The following CYSLTR1 variants were observed in gnomAD, a reference collection of about 807,000 sequenced individuals.
The protein encoded by CYSLTR1 is cysteinyl leukotriene receptor 1.
Under a neutral mutation model 2.1 loss-of-function variants are expected in CYSLTR1, and 1 was observed. The ratio of observed to expected loss-of-function variants is 0.48; its 90% CI spans 0.17 to 2.28. The LOEUF (loss-of-function observed/expected upper bound fraction) is 2.28. CYSLTR1 is among the 30% of genes most tolerant of loss of function. The pLI is 0.26. For missense variants in CYSLTR1, 299 were observed against 250.1 expected (o/e 1.20, Z -1.32); for synonymous variants, 110 against 89.6 (o/e 1.23, Z -1.28).
At chrX:78,307,009 C>T (rs1301391619) in intron 1 of CYSLTR1, among the ~76,000 whole-genome samples, 3 of 111,708 alleles carry the variant, frequency 2.7e-5, no homozygotes, top group Non-Finnish European at 5.6e-5. Flanking sequence ...AAACTTTTAA[C>T]GTGACTTTTC....
chrX:78,275,891 A>G (rs1169168264), intron 2 of CYSLTR1, among the ~76,000 whole-genome samples: 1 of 111,666 alleles, frequency 9.0e-6, no homozygotes, highest in Non-Finnish European at 1.9e-5. Context: ...GGTTGACTCT[A>G]CCTATAACTG....
chrX:78,272,677 C>A lies in CYSLTR1; in HGVS notation c.*56G>T, dbSNP rs1921320650. ...TTTATTTTTTTTGTAAATGATTTGA[C>A]AAAATACTTATTTGGGAAACTATTT... On this transcript the variant is annotated 3_prime_UTR_variant, in exon 3 of 3. Coordinates refer to ENST00000373304, the MANE Select transcript of CYSLTR1 (RefSeq NM_006639.4). The A allele has an allele frequency of 2.9e-6, 3 of 1,036,521 alleles. No individual in the cohort carries two copies. The highest frequency in any genetic ancestry group is 3.8e-5 in the African/African-American group (2 of 52,848). 85.4% of individuals were successfully genotyped at this position (1,036,521 alleles called of 1,213,427 possible).
chrX:78,291,346 G>A (rs1259901396), intron 1 of CYSLTR1, among the ~76,000 whole-genome samples: 1 of 111,666 alleles, frequency 9.0e-6, no homozygotes, highest in Admixed American at 9.5e-5. Context: ...ATGTGCTGCT[G>A]GATTTAGTTT....
intron 1 of CYSLTR1, among the ~76,000 whole-genome samples, chrX:78,300,394 T>TGCAA (rs1922767061): frequency 1.8e-5 from 2 of 112,799 alleles, no homozygotes; most frequent in Non-Finnish European, 3.7e-5. Flanking sequence ...ATTAGGTATT[T>TGCAA]ATTTCAGCAT....
intron 1 of CYSLTR1, among the ~76,000 whole-genome samples, chrX:78,290,109 G>T (rs1399860523): frequency 8.9e-6 from 1 of 112,027 alleles, no homozygotes; most frequent in Non-Finnish European, 1.9e-5. Flanking sequence ...TTACATTTAA[G>T]TCTTTAATCC....
intron 1 of CYSLTR1, among the ~76,000 whole-genome samples, chrX:78,322,033 G>A (rs925809729): frequency 3.6e-5 from 4 of 111,415 alleles, no homozygotes; most frequent in African/African-American, 9.8e-5. Context: ...GAAGTGGGGA[G>A]GCTGGGACTC....
intron 2 of CYSLTR1, among the ~76,000 whole-genome samples, chrX:78,276,547 C>T (rs981476950): frequency 1.4e-4 from 15 of 110,360 alleles, no homozygotes; most frequent in East Asian, 2.8e-4. Flanking sequence ...GGTTTACTAC[C>T]GCTCACAATT....
chrX:78,273,686 AG>A lies in CYSLTR1; in HGVS notation c.60del (p.Phe21SerfsTer12). 1 of 1,210,204 alleles carries A rather than the reference AG, an allele frequency of 8.3e-7. No individual in the cohort carries two copies. The highest frequency in any genetic ancestry group is 1.1e-6 in the Non-Finnish European group (1 of 894,312). ...SSATCHDTIDDFRNQVYSTLY... is the reference protein window; with the variant it reads ...SSATCHDTIDXFRNQVYSTLY... ...AAGGTGGAATACACTTGATTGCGGA[AG>A]TCATCAATAGTGTCATGGCATGTGG... On this transcript the variant is annotated frameshift_variant, in exon 3 of 3. Coordinates refer to ENST00000373304, the MANE Select transcript of CYSLTR1 (RefSeq NM_006639.4). LOFTEE classifies it low-confidence loss of function (END_TRUNC).
At chrX:78,279,816 G>A (rs1921755822) in intron 2 of CYSLTR1, among the ~76,000 whole-genome samples, 1 of 111,778 alleles carries the variant, frequency 8.9e-6, no homozygotes, top group Admixed American at 9.5e-5. Context: ...GCAGTTGGAG[G>A]CCATTATCCT....
chrX:78,306,973 A>C (rs888634263), intron 1 of CYSLTR1, among the ~76,000 whole-genome samples: 20 of 112,115 alleles, frequency 1.8e-4, no homozygotes, highest in African/African-American at 6.2e-4. Flanking sequence ...TGAAGTAATA[A>C]ATTTTTAACT....
At chrX:78,326,610 G>C (rs1032998723) in intron 1 of CYSLTR1, among the ~76,000 whole-genome samples, 5 of 112,016 alleles carry the variant, frequency 4.5e-5, no homozygotes, top group African/African-American at 1.6e-4. Context: ...TGAATCTTTG[G>C]CTCTGTGTAA....
chrX:78,279,563 A>G (rs376260040), intron 2 of CYSLTR1, among the ~76,000 whole-genome samples: 3 of 112,505 alleles, frequency 2.7e-5, no homozygotes, highest in East Asian at 5.5e-4. Flanking sequence ...ATAAAACAGA[A>G]CTACCATTTT....
chrX:78,314,373 G>T (rs184465976), intron 1 of CYSLTR1, among the ~76,000 whole-genome samples: 1 of 111,688 alleles, frequency 9.0e-6, no homozygotes, highest in African/African-American at 3.2e-5. Context: ...CAAGAAGGCA[G>T]AATGGAAGGC....
chrX:78,325,608 C>T lies in CYSLTR1; in HGVS notation c.-115+1697G>A, dbSNP rs1434544066. Among the ~76,000 whole-genome samples, 4 of 111,703 alleles carry T rather than the reference C, an allele frequency of 3.6e-5. No individual in the cohort carries two copies. In the Admixed American group the frequency reaches 3.8e-4, roughly 11 times the overall value. On this transcript the variant is annotated intron_variant, in intron 1 of 2. Coordinates refer to ENST00000373304, the MANE Select transcript of CYSLTR1 (RefSeq NM_006639.4). ...GAACTCCCAGTTATCCCAGTTACCC[C>T]GTTTCTCTCCCATTGAAATCCATGC...
In CYSLTR1 at chrX:78,273,280, G is replaced by C; in HGVS notation, c.467C>G (p.Ser156Cys). The C allele has an allele frequency of 8.3e-7, 1 of 1,209,511 alleles. No individual in the cohort carries two copies. Among genetic ancestry groups the C allele is most frequent in the Non-Finnish European group, 1.1e-6 (1 of 894,240 alleles). The change falls in exon 3 of 3, where the codon TCT (serine) becomes TGT (cysteine). Residue 156 changes from serine (S) to cysteine (C), a missense_variant. Coordinates refer to ENST00000373304, the MANE Select transcript of CYSLTR1 (RefSeq NM_006639.4). ...GIWIFVILTS[S>C]PFLMAKPQKD... The stretch of plus-strand genomic sequence containing the variant: ...TTGTGGTTTGGCCATTAGAAATGGA[G>C]AACTGGTCAAAATCACAAAAATCCA...
At chrX:78,313,225 A>G (rs1923282311) in intron 1 of CYSLTR1, among the ~76,000 whole-genome samples, 1 of 111,883 alleles carries the variant, frequency 8.9e-6, no homozygotes, top group African/African-American at 3.2e-5. Flanking sequence ...AAAACCAAAC[A>G]CCACATTTCC....
chrX:78,295,787 T>C (rs746899929), intron 1 of CYSLTR1, among the ~76,000 whole-genome samples: 236 of 112,076 alleles, frequency 2.1e-3, no homozygotes, highest in Non-Finnish European at 3.8e-3. Context: ...TTATATATTA[T>C]GGTTATAAAT....
In CYSLTR1 at chrX:78,273,313, A is replaced by G. The variant is rs1179203358; in HGVS notation, c.434T>C (p.Val145Ala). The G allele has an allele frequency of 2.5e-6, 3 of 1,211,041 alleles. No homozygotes were observed. The highest frequency in any genetic ancestry group is 2.2e-5 in the Admixed American group (1 of 45,863). ...VTQKKARFVCVGIWIFVILTS... is the reference protein window; with the variant it reads ...VTQKKARFVCAGIWIFVILTS... ...CAAAATCACAAAAATCCAAATACCT[A>G]CACACACAAACCTGGCTTTTTTCTG... Residue 145 changes from valine to alanine, a missense_variant, in exon 3 of 3, where the codon GTA becomes GCA. Val to Ala is a moderately conservative substitution (Grantham distance 64). Transcript: ENST00000373304.
At chrX:78,279,738 G>A (rs1260259388) in intron 2 of CYSLTR1, among the ~76,000 whole-genome samples, 1 of 112,132 alleles carries the variant, frequency 8.9e-6, no homozygotes, top group African/African-American at 3.2e-5. Flanking sequence ...AACATGGTAT[G>A]TATACACTAT....
Sources: allele counts gnomAD v4.1 joint callset (sites outside exome capture counted in the v4.1 genomes callset), GRCh38; gene constraint gnomAD v4.1.1; transcripts MANE v1.5; gene names NCBI Gene and HGNC (gene_info 2026-07-23, HGNC 2026-07-21).